MAP4K5: variants seen among roughly 807,000 people sequenced by gnomAD.
MAP4K5 encodes the protein mitogen-activated protein kinase kinase kinase kinase 5, also known as MAPK/ERK kinase kinase kinase 5.
Under a neutral mutation model 135.6 loss-of-function variants are expected in MAP4K5, and 82 were observed. The observed-to-expected ratio is 0.60, with a 90% CI of 0.51 to 0.73. The LOEUF is 0.73. Among genes scored for constraint, MAP4K5 ranks in the 30% least tolerant of loss-of-function variants. The pLI, the probability that MAP4K5 is intolerant of heterozygous loss-of-function variation, is 0.00. For synonymous variants in MAP4K5, 347 were observed against 335.0 expected, an observed-to-expected ratio of 1.04 and a Z score of -0.39; for missense variants, 907 against 1,010.9, an observed-to-expected ratio of 0.90 and a Z score of 1.39.
intron 15 of MAP4K5, 23 bp downstream of exon 15, chr14:50,448,751 A>C: frequency 6.9e-7 from 1 of 1,447,290 alleles, no homozygotes; most frequent in Non-Finnish European, 9.4e-7. Flanking sequence ...TGTGAAAATA[A>C]TGCTTTAAAA....
chr14:50,443,643 A>C, intron 20 of MAP4K5, 86 bp downstream of exon 20: 1 of 1,102,096 alleles, frequency 9.1e-7, no homozygotes, highest in Non-Finnish European at 1.3e-6. Context: ...TTAACTTTCA[A>C]AGGCTCAAGT....
At chr14:50,442,114 T>C (rs753899764) in intron 21 of MAP4K5, among the ~76,000 whole-genome samples, 6 of 152,144 alleles carry the variant, frequency 3.9e-5, no homozygotes, top group Non-Finnish European at 7.4e-5. Flanking sequence ...TCTGAAAATG[T>C]TTCCTCACTT....
Position 50,532,019 on chromosome 14 carries a change from T to A in MAP4K5, c.31A>T (p.Ile11Phe), listed in dbSNP as rs780603192. Residue 11 changes from isoleucine (I) to phenylalanine (F), a missense_variant, in exon 2 of 33, where the codon ATC (isoleucine) becomes TTC (phenylalanine). Around this residue, in one of 3 missense-constraint regions of MAP4K5, gnomAD observed 196 missense variants for 189.3 expected, o/e 1.04. Coordinates refer to ENST00000682126, the MANE Select transcript of MAP4K5 (RefSeq NM_006575.6). ...TCCTGCTGCGGGTTCCGCCTCAGGA[T>A]GTCCGCGGCAGGCCGCAGCGGGGCC... MEAPLRPAAD[I>F]LRRNPQQDYE... The A allele has an allele frequency of 2.5e-6, 4 of 1,589,540 alleles. No homozygotes were observed. The highest frequency in any genetic ancestry group is 2.6e-6 in the Non-Finnish European group (3 of 1,167,472).
intron 2 of MAP4K5, among the ~76,000 whole-genome samples, chr14:50,511,602 T>C (rs559368459): frequency 1.5e-4 from 23 of 152,284 alleles, no homozygotes; most frequent in African/African-American, 5.1e-4. Context: ...TTTAAGATTA[T>C]AGATTTGCTA....
intron 28 of MAP4K5, among the ~76,000 whole-genome samples, chr14:50,431,089 G>A (rs2035958368): frequency 6.6e-6 from 1 of 152,024 alleles, no homozygotes; most frequent in Non-Finnish European, 1.5e-5. Context: ...AGGAAATAGT[G>A]GAAATCAATA....
Position 50,487,425 on chromosome 14 carries a change from G to C in MAP4K5, c.167-1231C>G, listed in dbSNP as rs539003508. On this transcript the variant is annotated intron_variant, in intron 3 of 32. Transcript: ENST00000682126. ...CAATTCACGTAAACATTAACTGATA[G>C]TTCAGTTACAGAATTTCATGTTAGC... Among the ~76,000 whole-genome samples, 4 of 152,270 alleles carry C rather than the reference G, an allele frequency of 2.6e-5. No homozygotes were observed. The East Asian group carries it at 7.7e-4, about 29-fold the overall frequency.
rs114325720 is a variant in MAP4K5, at chr14:50,423,663, G to A, written c.2398-487C>T. Among the ~76,000 whole-genome samples the A allele has an allele frequency of 2.5e-3, 381 of 152,252 alleles. 3 individuals carry two copies. Among genetic ancestry groups the A allele is most frequent in the African/African-American group, 8.9e-3 (370 of 41,552 alleles). ...GCATGCCTGTAGTCCTAGCTGCTCA[G>A]AAGGCTGAAGTAGGAGGATCGCTTG... On this transcript the variant is annotated intron_variant, in intron 31 of 32. Coordinates refer to ENST00000682126, the MANE Select transcript of MAP4K5 (RefSeq NM_006575.6).
At chr14:50,472,967 T>C (rs1461139781) in intron 9 of MAP4K5, among the ~76,000 whole-genome samples, 1 of 152,204 alleles carries the variant, frequency 6.6e-6, no homozygotes, top group Non-Finnish European at 1.5e-5. Context: ...TCATTCTTAA[T>C]GAGGATCTCT....
chr14:50,423,516 G>T (rs1356959904), intron 31 of MAP4K5, among the ~76,000 whole-genome samples: 1 of 152,002 alleles, frequency 6.6e-6, no homozygotes, highest in Non-Finnish European at 1.5e-5. Flanking sequence ...ATACAGGTTT[G>T]TTGGACTGCA....
chr14:50,534,608 A>G (rs1414848040), upstream of MAP4K5, among the ~76,000 whole-genome samples: 3 of 152,274 alleles, frequency 2.0e-5, no homozygotes, highest in Non-Finnish European at 4.4e-5. Context: ...TTATGTTGCC[A>G]GTAATGGCAG....
At chr14:50,450,335 A>G (rs1237484854) in intron 14 of MAP4K5, 2 of 152,236 alleles carry the variant, frequency 1.3e-5, no homozygotes, top group Non-Finnish European at 2.9e-5. Flanking sequence ...TTGTGTGTGT[A>G]CAAACTAAAG....
In MAP4K5 at chr14:50,497,722, A is replaced by G. The variant is rs567232466; in HGVS notation, c.166+7078T>C. Reference sequence around the variant, plus strand: ...GAAAGCTTTAAACATCTATTCAAAGATATTTAAAGATTCCTATTTATTTCA... The same window carrying G: ...GAAAGCTTTAAACATCTATTCAAAGGTATTTAAAGATTCCTATTTATTTCA... On this transcript the variant is annotated intron_variant, in intron 3 of 32. Coordinates refer to ENST00000682126, the MANE Select transcript of MAP4K5 (RefSeq NM_006575.6). 6.6e-5 allele frequency among the ~76,000 whole-genome samples: 10 copies of G among 152,256 alleles called. 1 individual carries two copies. The South Asian group carries it at 1.7e-3, about 25-fold the overall frequency.
chr14:50,420,536 G>A (rs1441498937), intron 32 of MAP4K5, among the ~76,000 whole-genome samples: 4 of 152,176 alleles, frequency 2.6e-5, no homozygotes, highest in Admixed American at 1.3e-4. Flanking sequence ...GGACGCTGAG[G>A]CAGGAGGATC....
intron 13 of MAP4K5, among the ~76,000 whole-genome samples, chr14:50,460,892 T>C (rs887947013): frequency 1.3e-5 from 2 of 152,190 alleles, no homozygotes; most frequent in Non-Finnish European, 2.9e-5. Context: ...TTACTTTCAT[T>C]TTTTGTCCCT....
intron 28 of MAP4K5, among the ~76,000 whole-genome samples, chr14:50,431,974 G>C (rs2035981068): frequency 1.3e-5 from 2 of 152,224 alleles, no homozygotes; most frequent in South Asian, 4.2e-4. Flanking sequence ...AATATTTTGG[G>C]GTGTTTGTGG....
chr14:50,549,679 A>G (rs1458520111), intron 1 of MAP4K5, among the ~76,000 whole-genome samples: 1 of 152,186 alleles, frequency 6.6e-6, no homozygotes, highest in African/African-American at 2.4e-5. Context: ...TTCATGGGCC[A>G]CGATATCCAA....
At chr14:50,519,345 C>T (rs1360457734) in intron 2 of MAP4K5, among the ~76,000 whole-genome samples, 3 of 151,940 alleles carry the variant, frequency 2.0e-5, no homozygotes, top group South Asian at 2.1e-4. Flanking sequence ...TTTTTCATTC[C>T]TATATAGTTT....
chr14:50,506,890 T>A (rs1478184851), intron 2 of MAP4K5, among the ~76,000 whole-genome samples: 1 of 152,186 alleles, frequency 6.6e-6, no homozygotes. Flanking sequence ...TTTCTGCCAT[T>A]GGACATAAGA....
chr14:50,426,473 T>C (rs1384178039), intron 30 of MAP4K5, among the ~76,000 whole-genome samples: 1 of 152,092 alleles, frequency 6.6e-6, no homozygotes, highest in East Asian at 1.9e-4. Flanking sequence ...CCCTGTAACC[T>C]CAGCACTTTG....
Sources: gnomAD v4.1 joint callset for allele counts (sites outside exome capture counted in the v4.1 genomes callset) on GRCh38, gnomAD v4.1.1 for gene constraint, gnomAD v4.1.1 regional missense constraint, MANE v1.5 for transcripts, NCBI Gene and HGNC (gene_info 2026-07-23, HGNC 2026-07-21) for gene names.